The following LHFPL3 variants were observed in gnomAD, a reference collection of about 807,000 sequenced individuals.
The protein encoded by LHFPL3 is LHFPL tetraspan subfamily member 3 protein.
LHFPL3 carries 5 observed loss-of-function variants against 19.3 expected under a neutral mutation model. The observed-to-expected ratio is 0.26, with a 90% CI of 0.14 to 0.54. The LOEUF is 0.54. Ranked by LOEUF, LHFPL3 falls within the 20% of genes least tolerant of loss-of-function variation. The pLI is 0.94. For synonymous variants in LHFPL3, 133 were observed against 126.2 expected (o/e 1.05, Z -0.36); for missense variants, 249 against 307.4 (o/e 0.81, Z 1.42).
At chr7:104,647,862 G>A (rs969771328) in intron 1 of LHFPL3, among the ~76,000 whole-genome samples, 20 of 152,276 alleles carry the variant, frequency 1.3e-4, no homozygotes, top group South Asian at 6.2e-4. Context: ...CTGACAATTC[G>A]TTGGCCAGAG....
chr7:104,378,822 T>C (rs991504467), intron 1 of LHFPL3, among the ~76,000 whole-genome samples: 1 of 152,226 alleles, frequency 6.6e-6, no homozygotes, highest in African/African-American at 2.4e-5. Context: ...TTTTCAACTC[T>C]TTTGTAAGAG....
intron 1 of LHFPL3, among the ~76,000 whole-genome samples, chr7:104,552,041 G>T (rs897084657): frequency 6.6e-6 from 1 of 152,242 alleles, no homozygotes; most frequent in East Asian, 1.9e-4. Flanking sequence ...GGCCTGGCTG[G>T]GTTCGATTTC....
intron 1 of LHFPL3, among the ~76,000 whole-genome samples, chr7:104,371,153 T>C (rs186050302): frequency 2.0e-5 from 3 of 152,280 alleles, no homozygotes; most frequent in Non-Finnish European, 2.9e-5. Context: ...TTTTCTGAAT[T>C]CTTGAGAGCA....
intron 1 of LHFPL3, among the ~76,000 whole-genome samples, chr7:104,352,604 CT>C (rs1790200240): frequency 6.6e-6 from 1 of 152,172 alleles, no homozygotes; most frequent in Admixed American, 6.5e-5. Context: ...CTAATGTACC[CT>C]GCAAATTGGA....
intron 1 of LHFPL3, among the ~76,000 whole-genome samples, chr7:104,351,778 A>G (rs556796813): frequency 9.2e-5 from 14 of 152,360 alleles, no homozygotes; most frequent in African/African-American, 3.4e-4. Flanking sequence ...GCCAAGTATT[A>G]GGAAAGATTT....
At chr7:104,345,677 G>A (rs1011430311) in intron 1 of LHFPL3, among the ~76,000 whole-genome samples, 1 of 151,998 alleles carries the variant, frequency 6.6e-6, no homozygotes, top group Non-Finnish European at 1.5e-5. Context: ...TGATATTGAA[G>A]CTACATTCAA....
intron 1 of LHFPL3, among the ~76,000 whole-genome samples, chr7:104,735,899 A>G (rs981320712): frequency 1.3e-5 from 2 of 152,252 alleles, no homozygotes; most frequent in African/African-American, 4.8e-5. Flanking sequence ...GGTTGATTGC[A>G]TAACTTGGCT....
chr7:104,501,987 A>G (rs1443614180), intron 1 of LHFPL3, among the ~76,000 whole-genome samples: 4 of 152,226 alleles, frequency 2.6e-5, no homozygotes, highest in Non-Finnish European at 4.4e-5. Flanking sequence ...CAAAATAATC[A>G]GATTGTGCTC....
intron 1 of LHFPL3, among the ~76,000 whole-genome samples, chr7:104,508,222 A>G (rs1029286847): frequency 3.3e-5 from 5 of 152,098 alleles, no homozygotes; most frequent in African/African-American, 7.2e-5. Flanking sequence ...ATGTCCAACA[A>G]TGATAGACTG....
At chr7:104,383,233 A>T (rs541801738) in intron 1 of LHFPL3, among the ~76,000 whole-genome samples, 1 of 152,286 alleles carries the variant, frequency 6.6e-6, no homozygotes, top group East Asian at 1.9e-4. Context: ...GTTCTTAAGG[A>T]GACATCTTCT....
At chr7:104,580,978 T>G (rs953326981) in intron 1 of LHFPL3, among the ~76,000 whole-genome samples, 2 of 152,084 alleles carry the variant, frequency 1.3e-5, no homozygotes, top group African/African-American at 4.8e-5. Flanking sequence ...TTAATAAAAC[T>G]GCTATGAACA....
At chr7:104,411,136 G>A (rs778831650) in intron 1 of LHFPL3, among the ~76,000 whole-genome samples, 2 of 152,176 alleles carry the variant, frequency 1.3e-5, no homozygotes, top group Admixed American at 6.5e-5. Flanking sequence ...TGTATGGAAC[G>A]TGTTGTAACT....
At chr7:104,814,998 T>A (rs1790537844) in intron 2 of LHFPL3, among the ~76,000 whole-genome samples, 2 of 152,240 alleles carry the variant, frequency 1.3e-5, no homozygotes, top group South Asian at 4.1e-4. Context: ...CAGCTGCGCC[T>A]GGGCTCCCAC....
At chr7:104,771,335 T>G (rs140730061) in intron 2 of LHFPL3, among the ~76,000 whole-genome samples, 1 of 152,192 alleles carries the variant, frequency 6.6e-6, no homozygotes, top group Non-Finnish European at 1.5e-5. Context: ...ATGAGTTGAA[T>G]AGGGCAGGAA....
intron 2 of LHFPL3, among the ~76,000 whole-genome samples, chr7:104,813,356 A>G (rs1790510558): frequency 6.6e-6 from 1 of 152,198 alleles, no homozygotes; most frequent in African/African-American, 2.4e-5. Context: ...GGGTCATGTA[A>G]ATAGCTGGTA....
chr7:104,865,045 A>C (rs1040891258), intron 2 of LHFPL3, among the ~76,000 whole-genome samples: 1 of 152,196 alleles, frequency 6.6e-6, no homozygotes. Flanking sequence ...TAACAAACAG[A>C]AAGGACATCC....
intron 1 of LHFPL3, among the ~76,000 whole-genome samples, chr7:104,694,497 A>T (rs1792962352): frequency 6.6e-6 from 1 of 152,226 alleles, no homozygotes; most frequent in Non-Finnish European, 1.5e-5. Flanking sequence ...TCACTTCATC[A>T]ATTAAAAACC....
At chr7:104,609,408 C>G (rs1345961384) in intron 1 of LHFPL3, among the ~76,000 whole-genome samples, 1 of 152,060 alleles carries the variant, frequency 6.6e-6, no homozygotes, top group African/African-American at 2.4e-5. Flanking sequence ...TTTTCTGTGC[C>G]TGAGATGTGT....
chr7:104,572,424 G>T (rs150353551), intron 1 of LHFPL3, among the ~76,000 whole-genome samples: 76 of 152,264 alleles, frequency 5.0e-4, no homozygotes, highest in African/African-American at 1.6e-3. Context: ...ATTCTAGTAG[G>T]GAGGAGGAAG....
Sources: allele counts gnomAD v4.1 joint callset (sites outside exome capture counted in the v4.1 genomes callset), GRCh38; gene constraint gnomAD v4.1.1; transcripts MANE v1.5; gene names NCBI Gene and HGNC (gene_info 2026-07-23, HGNC 2026-07-21).